Variants in ANK1 observed in about 807,000 individuals in gnomAD.
The protein encoded by ANK1 is ankyrin-1.
A neutral mutation model predicts 210.4 loss-of-function variants in ANK1; 51 were observed. The observed-to-expected ratio is 0.24, with a 90% CI of 0.19 to 0.31. The LOEUF (loss-of-function observed/expected upper bound fraction) is 0.31. Among genes scored for constraint, ANK1 ranks in the 10% least tolerant of loss-of-function variants. ANK1 has a pLI of 1.00. For missense variants in ANK1, 2,051 were observed against 2,504.4 expected (o/e 0.82, Z 3.86); for synonymous variants, 967 against 1,025.9 (o/e 0.94, Z 1.10).
intron 1 of ANK1, among the ~76,000 whole-genome samples, chr8:41,777,747 C>T (rs534711166): frequency 6.6e-6 from 1 of 152,282 alleles, no homozygotes; most frequent in African/African-American, 2.4e-5. Flanking sequence ...CTTTCATAAT[C>T]TCCTTTTCAA....
Position 41,723,631 on chromosome 8 carries a change from G to T in ANK1, c.714C>A (p.Asn238Lys). 1 of 1,612,696 alleles carries T rather than the reference G, an allele frequency of 6.2e-7. No individual in the cohort carries two copies. The highest frequency in any genetic ancestry group is 8.5e-7 in the Non-Finnish European group (1 of 1,179,888). The change falls in exon 8 of 43, where the codon AAC becomes AAA. Residue 238 changes from asparagine to lysine, a missense_variant and splice_region_variant. Coordinates refer to ENST00000289734, the MANE Select transcript of ANK1 (RefSeq NM_000037.4). ...AGGCGATGTGCAGTGGCGTGATGCC[G>T]TTCTGAAGGGAGGAAGCAGGACGGT... ...RGASVNFTPQ[N>K]GITPLHIASR...
At chr8:41,859,732 G>C (rs559721923) in intron 1 of ANK1, among the ~76,000 whole-genome samples, 38 of 152,346 alleles carry the variant, frequency 2.5e-4, no homozygotes, top group African/African-American at 8.4e-4. Flanking sequence ...ATGTTGCCAG[G>C]AATGAACCTA....
intron 1 of ANK1, among the ~76,000 whole-genome samples, chr8:41,842,450 G>A (rs1320712192): frequency 3.3e-5 from 5 of 151,642 alleles, no homozygotes; most frequent in South Asian, 4.2e-4. Flanking sequence ...CCAAGATCAC[G>A]CCACTGCCCT....
intron 1 of ANK1, among the ~76,000 whole-genome samples, chr8:41,833,813 C>T (rs16890874): frequency 0.025 from 3,836 of 152,212 alleles, 161 homozygotes; most frequent in African/African-American, 0.085. Flanking sequence ...ACCACCACAA[C>T]GGGGCAAGCA....
At chr8:41,823,467 A>C (rs1804822427) in intron 1 of ANK1, among the ~76,000 whole-genome samples, 1 of 152,180 alleles carries the variant, frequency 6.6e-6, no homozygotes, top group Non-Finnish European at 1.5e-5. Flanking sequence ...AAAATGAGTA[A>C]AGAAAAATAA....
chr8:41,877,791 A>T (rs1183612755), intron 1 of ANK1, among the ~76,000 whole-genome samples: 1 of 152,226 alleles, frequency 6.6e-6, no homozygotes, highest in Admixed American at 6.5e-5. Flanking sequence ...TGAGCTAAGG[A>T]CAACAAAAAG....
chr8:41,856,284 C>T (rs993387546), intron 1 of ANK1, among the ~76,000 whole-genome samples: 2 of 152,168 alleles, frequency 1.3e-5, no homozygotes, highest in African/African-American at 4.8e-5. Context: ...GATAGAAATG[C>T]AAACTCTAGG....
rs72640364 is a variant in ANK1, at chr8:41,891,628, C to T, written c.126+4727G>A. 3.5e-3 allele frequency among the ~76,000 whole-genome samples: 538 copies of T among 152,320 alleles called. 1 individual carries two copies. Among genetic ancestry groups the T allele is most frequent in the Non-Finnish European group, 6.3e-3 (427 of 68,018 alleles). Reference sequence around the variant, plus strand: ...AGTGAGGAGAGATCCTGGGAACAGCCCCCACCACTGCTACCTCTGCAGCAG... The same window carrying T: ...AGTGAGGAGAGATCCTGGGAACAGCTCCCACCACTGCTACCTCTGCAGCAG... On this transcript the variant is annotated intron_variant, in intron 1 of 42. Transcript: ENST00000265709.
At chr8:41,851,780 C>G (rs992115878) in intron 1 of ANK1, among the ~76,000 whole-genome samples, 10 of 152,126 alleles carry the variant, frequency 6.6e-5, no homozygotes, top group African/African-American at 2.2e-4. Context: ...TCACTTGAGC[C>G]CAGGAGGTTG....
chr8:41,824,629 C>G (rs1805042425), intron 1 of ANK1, among the ~76,000 whole-genome samples: 1 of 152,112 alleles, frequency 6.6e-6, no homozygotes, highest in African/African-American at 2.4e-5. Context: ...AAAGATGGGT[C>G]ACGAATTCTA....
chr8:41,701,293 A>G (rs769623073), intron 22 of ANK1, among the ~76,000 whole-genome samples: 5 of 152,266 alleles, frequency 3.3e-5, no homozygotes, highest in Non-Finnish European at 5.9e-5. Context: ...TCCATAATCT[A>G]TGCAAACATA....
intron 1 of ANK1, among the ~76,000 whole-genome samples, chr8:41,833,042 C>T (rs962058301): frequency 1.3e-5 from 2 of 152,222 alleles, no homozygotes; most frequent in Non-Finnish European, 2.9e-5. Context: ...AGCATGCCCT[C>T]TCCAACTCCC....
chr8:41,724,439 A>T lies in ANK1; in HGVS notation c.711+17T>A. 3 of 1,553,738 alleles carry T rather than the reference A, an allele frequency of 1.9e-6. No individual in the cohort carries two copies. The East Asian group carries it at 7.2e-5, about 37-fold the overall frequency. ...CCAAGCCCCCGGACAGTGAGGGCGC[A>T]CGTGCCCCAGGGTTACCTGTGGTGT... On this transcript the variant is annotated intron_variant, in intron 7 of 42. Coordinates refer to ENST00000289734, the MANE Select transcript of ANK1 (RefSeq NM_000037.4).
At chr8:41,746,274 G>C (rs558131596) in intron 2 of ANK1, among the ~76,000 whole-genome samples, 1 of 152,314 alleles carries the variant, frequency 6.6e-6, no homozygotes, top group South Asian at 2.1e-4. Flanking sequence ...GGAATCTAAG[G>C]AATCAGAAGC....
At chr8:41,761,991 G>T (rs879504375) in intron 1 of ANK1, among the ~76,000 whole-genome samples, 2 of 151,966 alleles carry the variant, frequency 1.3e-5, no homozygotes, top group Admixed American at 1.3e-4. Flanking sequence ...CTGCCTAACT[G>T]GTCTTCCCCA....
At chr8:41,710,446 G>A (rs969178945) in intron 16 of ANK1, among the ~76,000 whole-genome samples, 1 of 152,226 alleles carries the variant, frequency 6.6e-6, no homozygotes, top group African/African-American at 2.4e-5. Context: ...AAACTCTGAT[G>A]TGTACACAAA....
At chr8:41,711,239 G>A (rs1461874730) in intron 16 of ANK1, among the ~76,000 whole-genome samples, 1 of 152,162 alleles carries the variant, frequency 6.6e-6, no homozygotes, top group Middle Eastern at 3.2e-3. Flanking sequence ...ACCAGTCAGC[G>A]CTGGCCCAGA....
chr8:41,680,344 C>A (rs1184408137), intron 37 of ANK1, among the ~76,000 whole-genome samples: 2 of 152,110 alleles, frequency 1.3e-5, no homozygotes. Flanking sequence ...AGGTGGATCA[C>A]CTGAGGTCAG....
intron 39 of ANK1, chr8:41,664,145 T>C (rs563118): frequency 0.58 from 264,089 of 458,642 alleles, 77,311 homozygotes; most frequent in East Asian, 0.64. Context: ...GTGACTTGCT[T>C]GAAACCCCAG....
Sources: gnomAD v4.1 joint callset for allele counts (sites outside exome capture counted in the v4.1 genomes callset) on GRCh38, gnomAD v4.1.1 for gene constraint, MANE v1.5 for transcripts, NCBI Gene and HGNC (gene_info 2026-07-23, HGNC 2026-07-21) for gene names.